ZFP30: variants seen among roughly 807,000 people sequenced by gnomAD.
ZFP30 encodes the protein ZFP30 zinc finger protein.
Under a neutral mutation model 12.3 loss-of-function variants are expected in ZFP30, and 16 were observed. The observed-to-expected ratio is 1.30, with a 90% CI of 0.88 to 1.98. The LOEUF is 1.98. Ranked by LOEUF, ZFP30 falls within the 30% of genes most tolerant of loss-of-function variation. The pLI, the probability that ZFP30 is intolerant of heterozygous loss-of-function variation, is 0.00. For missense variants in ZFP30, 560 were observed against 611.2 expected (o/e 0.92, Z 0.88); for synonymous variants, 172 against 201.0 (o/e 0.86, Z 1.22).
intron 2 of ZFP30, among the ~76,000 whole-genome samples, chr19:37,648,968 T>C (rs1018228211): frequency 6.6e-6 from 1 of 152,196 alleles, no homozygotes; most frequent in African/African-American, 2.4e-5. Flanking sequence ...CTGGGTGCAG[T>C]GGCTCATGCC....
At chr19:37,640,267 A>G (rs1188391349) in intron 5 of ZFP30, among the ~76,000 whole-genome samples, 1 of 152,096 alleles carries the variant, frequency 6.6e-6, no homozygotes, top group African/African-American at 2.4e-5. Flanking sequence ...TCAAGACAGA[A>G]TGGGCTAGAC....
Position 37,632,526 on chromosome 19 carries a change from T to C in ZFP30, c.*2455A>G, listed in dbSNP as rs553795408. The C allele has an allele frequency of 1.3e-5, 2 of 152,272 alleles. No individual in the cohort carries two copies. Among genetic ancestry groups the C allele is most frequent in the African/African-American group, 4.8e-5 (2 of 41,574 alleles). The allele number at this position is 152,272 out of a possible 1,614,324, so 9.4% of individuals were successfully genotyped here. On this transcript the variant is annotated 3_prime_UTR_variant, in exon 6 of 6. Transcript: ENST00000684514. ...TTATTGTTTATGCCAGCGCTGACAA[T>C]AGAAATACGTGAGCTACATATATAA...
At chr19:37,640,706 G>C (rs1374232073) in intron 5 of ZFP30, among the ~76,000 whole-genome samples, 3 of 150,722 alleles carry the variant, frequency 2.0e-5, no homozygotes, top group Non-Finnish European at 4.4e-5. Context: ...GGGCAACATG[G>C]AGAAACCTCG....
At position 37,633,158 on chromosome 19, in the gene ZFP30, G is replaced by A. The variant is rs995862612; in HGVS notation, c.*1823C>T. The A allele has an allele frequency of 4.4e-5, 6 of 136,152 alleles. No individual in the cohort carries two copies. Among genetic ancestry groups the A allele is most frequent in the African/African-American group, 1.6e-4 (6 of 37,552 alleles). The allele number at this position is 136,152 out of a possible 1,614,324, so 8.4% of individuals were successfully genotyped here. On this transcript the variant is annotated 3_prime_UTR_variant, in exon 6 of 6. Coordinates refer to ENST00000684514, the MANE Select transcript of ZFP30 (RefSeq NM_001320669.3). The stretch of plus-strand genomic sequence containing the variant: ...TGCACGCCAGCCTGGGCGAAAGAGC[G>A]AGACTCCGTCTCAAAAAAAAAAAAA...
chr19:37,637,267 C>T (rs1187449590), intron 5 of ZFP30, among the ~76,000 whole-genome samples: 1 of 147,200 alleles, frequency 6.8e-6, no homozygotes, highest in East Asian at 2.0e-4. Context: ...TGGAATGGCG[C>T]AATCTCGGCT....
chr19:37,647,108 T>C (rs1049133655), intron 3 of ZFP30, among the ~76,000 whole-genome samples: 10 of 152,216 alleles, frequency 6.6e-5, no homozygotes, highest in Non-Finnish European at 1.3e-4. Flanking sequence ...TATTTGTAGC[T>C]TGAATTACAA....
Position 37,634,908 on chromosome 19 carries a change from T to C in ZFP30, c.*73A>G. The C allele has an allele frequency of 7.0e-7, 1 of 1,434,628 alleles. No homozygotes were observed. The highest frequency in any genetic ancestry group is 9.2e-7 in the Non-Finnish European group (1 of 1,092,868). The allele number at this position is 1,434,628 out of a possible 1,614,324, so 88.9% of individuals were successfully genotyped here. A position where few individuals can be genotyped will look rare whatever the true frequency, so the allele number is the denominator to read the frequency against. ...CATGAAGCAAAAGGGATTCCCACGTTCAAAAACCTTTCCTCTAGAATGTAC... is the reference window on the plus strand; with the variant it reads ...CATGAAGCAAAAGGGATTCCCACGTCCAAAAACCTTTCCTCTAGAATGTAC... On this transcript the variant is annotated 3_prime_UTR_variant, in exon 6 of 6. Coordinates refer to ENST00000684514, the MANE Select transcript of ZFP30 (RefSeq NM_001320669.3).
At chr19:37,645,211 T>C (rs1651386680) in intron 3 of ZFP30, among the ~76,000 whole-genome samples, 1 of 145,036 alleles carries the variant, frequency 6.9e-6, no homozygotes. Flanking sequence ...AGACTCCGTC[T>C]CAAAAAAAAA....
chr19:37,644,706 C>CTGT lies in ZFP30; in HGVS notation c.39_40insACA (p.Val13_Asp14insThr), dbSNP rs1216699512. On this transcript the variant is annotated inframe_insertion, in exon 4 of 6. Transcript: ENST00000684514. ...CATTCCCATTCTTCCTGAGAAAAGT[C>CTGT]TACAGCCACATCTCTGAACATCACC... The CTGT allele has an allele frequency of 6.2e-7, 1 of 1,613,506 alleles. No individual in the cohort carries two copies. The highest frequency in any genetic ancestry group is 1.7e-5 in the Admixed American group (1 of 59,930).
At chr19:37,651,103 G>A (rs2044640966) in intron 2 of ZFP30, among the ~76,000 whole-genome samples, 1 of 152,102 alleles carries the variant, frequency 6.6e-6, no homozygotes, top group Non-Finnish European at 1.5e-5. Flanking sequence ...ACATTACTGT[G>A]ACTAAACATT....
rs1394805894 is a variant in ZFP30 at position 37,635,710 on chromosome 19, C to A, written c.831G>T (p.Lys277Asn). 1 of 1,614,186 alleles carries A rather than the reference C, an allele frequency of 6.2e-7. No homozygotes were observed. ...TAAGGTGTGCATACTGCCTAAAGGC[C>A]TTCCCACATTCTTTACATTCATAGG... ...EKPYECKECG[K>N]AFRQYAHLTR... Residue 277 changes from lysine (K) to asparagine (N), a missense_variant, in exon 6 of 6, where the codon AAG (lysine) becomes AAT (asparagine). Physicochemically the swap from Lys to Asn is moderately conservative, Grantham distance 94. Transcript: ENST00000684514.
At chr19:37,642,840 G>A (rs1278069956) in intron 5 of ZFP30, among the ~76,000 whole-genome samples, 1 of 151,848 alleles carries the variant, frequency 6.6e-6, no homozygotes, top group African/African-American at 2.4e-5. Flanking sequence ...TGGATCACGA[G>A]GTCAGATCAA....
chr19:37,636,398 A>AG (rs2044327827), intron 5 of ZFP30, 93 bp from the exon 6 acceptor site: 2 of 1,331,700 alleles, frequency 1.5e-6, no homozygotes, highest in African/African-American at 1.5e-5. Flanking sequence ...CAAAAAAAAA[A>AG]AAAAAGAAAA....
chr19:37,648,592 C>A (rs1350050048), intron 2 of ZFP30, among the ~76,000 whole-genome samples: 1 of 152,096 alleles, frequency 6.6e-6, no homozygotes, highest in African/African-American at 2.4e-5. Context: ...ACACAACTTG[C>A]TAGGTCTCAC....
rs1016578036 is a variant in ZFP30, at chr19:37,631,217, T to G, written c.*3764A>C. On this transcript the variant is annotated 3_prime_UTR_variant, in exon 6 of 6. Transcript: ENST00000684514. The stretch of plus-strand genomic sequence containing the variant: ...ACTTATCTGTTAAAATGGGTTCATA[T>G]CCCATACTCACAAGCATTAAGAGTG... 4 of 152,170 alleles carry G rather than the reference T, an allele frequency of 2.6e-5. No homozygotes were observed. The highest frequency in any genetic ancestry group is 5.9e-5 in the Non-Finnish European group (4 of 68,040). 9.4% of individuals were successfully genotyped at this position (152,170 alleles called of 1,614,324 possible). A position where few individuals can be genotyped will look rare whatever the true frequency, so the allele number is the denominator to read the frequency against.
In ZFP30 at chr19:37,631,325, G is replaced by A. The variant is rs988220904; in HGVS notation, c.*3656C>T. 2 of 152,156 alleles carry A rather than the reference G, an allele frequency of 1.3e-5. No individual in the cohort carries two copies. The highest frequency in any genetic ancestry group is 2.9e-5 in the Non-Finnish European group (2 of 68,044). The allele number at this position is 152,156 out of a possible 1,614,324, so 9.4% of individuals were successfully genotyped here. ...TCTCATTACTTCATTATTTGGAGAAGCTATAGTTTTATTTTCTTAATTATT... is the reference window on the plus strand; with the variant it reads ...TCTCATTACTTCATTATTTGGAGAAACTATAGTTTTATTTTCTTAATTATT... On this transcript the variant is annotated 3_prime_UTR_variant, in exon 6 of 6. Transcript: ENST00000684514.
intron 3 of ZFP30, among the ~76,000 whole-genome samples, 190 bp downstream of exon 3, chr19:37,647,624 T>C (rs1007211807): frequency 6.6e-6 from 1 of 152,134 alleles, no homozygotes; most frequent in African/African-American, 2.4e-5. Flanking sequence ...AATGGACTAA[T>C]ACAGATACAG....
At chr19:37,644,127 C>A (rs1000010153) in intron 4 of ZFP30, among the ~76,000 whole-genome samples, 1 of 152,102 alleles carries the variant, frequency 6.6e-6, no homozygotes, top group African/African-American at 2.4e-5. Context: ...CATTAAAGAC[C>A]GGTAATAACA....
intron 2 of ZFP30, among the ~76,000 whole-genome samples, chr19:37,650,621 TTACA>T (rs1368062517): frequency 5.9e-5 from 9 of 152,202 alleles, no homozygotes; most frequent in African/African-American, 2.2e-4. Context: ...GTTGTAATCA[TTACA>T]TATTCACTTA....
Sources: allele counts gnomAD v4.1 joint callset (sites outside exome capture counted in the v4.1 genomes callset), GRCh38; gene constraint gnomAD v4.1.1; transcripts MANE v1.5; gene names NCBI Gene and HGNC (gene_info 2026-07-23, HGNC 2026-07-21).